The following SCRG1 variants were observed in gnomAD, a reference collection of about 807,000 sequenced individuals.
SCRG1 encodes scrapie-responsive protein 1.
Under a neutral mutation model 7.7 loss-of-function variants are expected in SCRG1, and 3 were observed. The observed-to-expected ratio is 0.39, with a 90% CI of 0.18 to 1.01. The LOEUF (loss-of-function observed/expected upper bound fraction) is 1.01, where lower values mean the gene tolerates loss of function less well. Ranked by LOEUF, SCRG1 falls within the 50% of genes least tolerant of loss-of-function variation. The probability of loss-of-function intolerance (pLI) is 0.36; values close to 1 mark genes in which losing one functional copy is unlikely to be tolerated. For missense variants in SCRG1, 110 were observed against 117.2 expected (o/e 0.94, Z 0.28); for synonymous variants, 46 against 41.2 (o/e 1.12, Z -0.44).
chr4:173,516,034 C>T, the SCRG1 span, among the ~76,000 whole-genome samples: 9 of 152,094 alleles, frequency 5.9e-5, no homozygotes, highest in Admixed American at 5.2e-4. Flanking sequence ...GGGTGCCCCT[C>T]GGGGGCCAAT....
the SCRG1 span, among the ~76,000 whole-genome samples, chr4:173,514,468 C>T: frequency 6.6e-6 from 1 of 152,220 alleles, no homozygotes; most frequent in African/African-American, 2.4e-5. Flanking sequence ...ACCTTAGCAG[C>T]CTGAGCAATT....
chr4:173,458,115 G>A, the SCRG1 span, among the ~76,000 whole-genome samples: 76 of 152,118 alleles, frequency 5.0e-4, no homozygotes, highest in African/African-American at 1.7e-3. Context: ...CTGCCCTCAG[G>A]GTACCCAGGA....
upstream of SCRG1, among the ~76,000 whole-genome samples, chr4:173,406,761 T>G (rs2126925344): frequency 6.6e-6 from 1 of 152,344 alleles, no homozygotes; most frequent in East Asian, 1.9e-4. Flanking sequence ...TTTTTTCACT[T>G]AGCAATATAC....
At chr4:173,440,326 A>G in the SCRG1 span, among the ~76,000 whole-genome samples, 1 of 152,222 alleles carries the variant, frequency 6.6e-6, no homozygotes, top group East Asian at 1.9e-4. Flanking sequence ...ACTCCTCACC[A>G]TGGAATATGT....
the SCRG1 span, among the ~76,000 whole-genome samples, chr4:173,500,884 C>A: frequency 2.6e-5 from 4 of 152,216 alleles, no homozygotes; most frequent in Non-Finnish European, 5.9e-5. Context: ...CGTCCTTCTA[C>A]CCACCGCCGG....
the SCRG1 span, chr4:173,467,905 C>G: frequency 6.6e-6 from 1 of 152,162 alleles, no homozygotes; most frequent in East Asian, 1.9e-4. Flanking sequence ...AAATTGCACC[C>G]AAATGGAAGG....
the SCRG1 span, among the ~76,000 whole-genome samples, chr4:173,441,503 C>A: frequency 2.0e-5 from 3 of 152,242 alleles, no homozygotes; most frequent in Non-Finnish European, 4.4e-5. Context: ...CACCTGTAGA[C>A]CTCTTATTTT....
Position 173,395,478 on chromosome 4 carries a change from G to A in SCRG1, c.-15+3590C>T, listed in dbSNP as rs371565043. Among the ~76,000 whole-genome samples, 75 of 152,236 alleles carry A rather than the reference G, an allele frequency of 4.9e-4. 1 individual carries two copies. The highest frequency in any genetic ancestry group is 1.3e-3 in the African/African-American group (56 of 41,544). ...ATCATTTATTCCTGTTCAGCTAGCC[G>A]GGCAGTCAAGCCAGTCATCTCTTTA... is the stretch of plus-strand genomic sequence containing the variant. On this transcript the variant is annotated intron_variant, in intron 1 of 2. Transcript: ENST00000296506.
chr4:173,503,170 C>T, the SCRG1 span, among the ~76,000 whole-genome samples: 3 of 152,304 alleles, frequency 2.0e-5, no homozygotes, highest in East Asian at 1.9e-4. This position sits in a 1 kb window ranked among gnomAD's most constrained non-coding sequence, Gnocchi z 6.4. Flanking sequence ...GACCCTGTGT[C>T]GTTCCCACTC....
At chr4:173,440,251 C>T in the SCRG1 span, among the ~76,000 whole-genome samples, 1 of 152,144 alleles carries the variant, frequency 6.6e-6, no homozygotes. Context: ...AAAGGTTTTT[C>T]ATTTACTAAA....
the SCRG1 span, among the ~76,000 whole-genome samples, chr4:173,514,226 T>G: frequency 1.3e-5 from 2 of 152,200 alleles, no homozygotes; most frequent in Admixed American, 6.5e-5. Context: ...CTTGTCAGTT[T>G]AAAGCCATTT....
In SCRG1 at chr4:173,395,662, A is replaced by G. The variant is rs150482711; in HGVS notation, c.-15+3406T>C. Among the ~76,000 whole-genome samples the G allele has an allele frequency of 2.0e-5, 3 of 152,358 alleles. No individual in the cohort carries two copies. In the East Asian group the frequency reaches 5.8e-4, roughly 29 times the overall value. ...ACTACTCTCATAGCTCCCTTGCTCT[A>G]TGTTCCCAAAGCACTTATATATAAT... is the stretch of plus-strand genomic sequence containing the variant. On this transcript the variant is annotated intron_variant, in intron 1 of 2. Coordinates refer to ENST00000296506, the MANE Select transcript of SCRG1 (RefSeq NM_007281.4).
chr4:173,419,199 A>G, the SCRG1 span: 672 of 403,016 alleles, frequency 1.7e-3, 15 homozygotes, highest in Middle Eastern at 7.7e-4. Flanking sequence ...TCTGTTCATA[A>G]GTTTATTGTC....
At chr4:173,487,598 C>A in the SCRG1 span, among the ~76,000 whole-genome samples, 5 of 152,086 alleles carry the variant, frequency 3.3e-5, no homozygotes, top group Non-Finnish European at 7.4e-5. Flanking sequence ...TTATTTTTCA[C>A]CTTTTTTAGT....
At chr4:173,484,781 A>ACATATAATATATATTATATATTATATG in the SCRG1 span, among the ~76,000 whole-genome samples, 1 of 78,358 alleles carries the variant, frequency 1.3e-5, no homozygotes, top group African/African-American at 5.2e-5. Flanking sequence ...TATATTATAT[A>ACATATAATATATATTATATATTATATG]CATGTAATAC....
chr4:173,449,762 T>C, the SCRG1 span, among the ~76,000 whole-genome samples: 1 of 152,212 alleles, frequency 6.6e-6, no homozygotes, highest in Non-Finnish European at 1.5e-5. Context: ...ACTGGTGATT[T>C]TATTCTGCCA....
upstream of SCRG1, among the ~76,000 whole-genome samples, chr4:173,402,688 T>C (rs76328179): frequency 0.013 from 1,971 of 152,304 alleles, 34 homozygotes; most frequent in South Asian, 0.059. Context: ...CTCTGTTCCA[T>C]GATTGACCCC....
At chr4:173,455,654 A>G in the SCRG1 span, among the ~76,000 whole-genome samples, 1 of 152,176 alleles carries the variant, frequency 6.6e-6, no homozygotes, top group South Asian at 2.1e-4. Flanking sequence ...TCGCAGGCTC[A>G]TGTCAAGAAA....
At chr4:173,402,260 T>C (rs1003861911), upstream of SCRG1, among the ~76,000 whole-genome samples, 3 of 152,194 alleles carry the variant, frequency 2.0e-5, no homozygotes, top group Non-Finnish European at 4.4e-5. Flanking sequence ...ATGGTGATGA[T>C]GATGTGTGTG....
Sources: allele counts gnomAD v4.1 joint callset (sites outside exome capture counted in the v4.1 genomes callset), GRCh38; gene constraint gnomAD v4.1.1; non-coding constraint Gnocchi (gnomAD v3.1); transcripts MANE v1.5; gene names NCBI Gene and HGNC (gene_info 2026-07-23, HGNC 2026-07-21).